The following BCOR variants were observed in gnomAD, a reference collection of about 807,000 sequenced individuals.
BCOR encodes BCL-6 corepressor.
BCOR carries 10 observed loss-of-function variants against 86.7 expected under a neutral mutation model. The ratio of observed to expected loss-of-function variants is 0.12; its 90% CI spans 0.07 to 0.20. The LOEUF (loss-of-function observed/expected upper bound fraction) is 0.20, where lower values mean the gene tolerates loss of function less well. Among genes scored for constraint, BCOR ranks in the 10% least tolerant of loss-of-function variants. The probability of loss-of-function intolerance (pLI) is 1.00; values close to 1 mark genes in which losing one functional copy is unlikely to be tolerated. For missense variants in BCOR, 1,259 were observed against 1,452.1 expected (o/e 0.87, Z 2.16); for synonymous variants, 611 against 609.0 (o/e 1.00, Z -0.05).
intron 1 of BCOR, among the ~76,000 whole-genome samples, chrX:40,108,134 G>A (rs769398217): frequency 6.1e-4 from 69 of 112,801 alleles, no homozygotes; most frequent in Non-Finnish European, 1.2e-3. Context: ...GGCCCATTAT[G>A]ACTCATAAAA....
chrX:40,103,064 C>T (rs1937100955), intron 1 of BCOR, among the ~76,000 whole-genome samples: 1 of 108,723 alleles, frequency 9.2e-6, no homozygotes, highest in Non-Finnish European at 1.9e-5. Context: ...AGCGCGTTAG[C>T]AGCCGCGCAG....
intron 2 of BCOR, 30 bp downstream of exon 2, chrX:40,077,814 C>T (rs1463099818): frequency 3.4e-6 from 4 of 1,191,247 alleles, no homozygotes; most frequent in Non-Finnish European, 4.6e-6. Context: ...GTGGGCTCCA[C>T]TCAGGCCCGG....
At chrX:40,175,145 G>A (rs932880658) in intron 1 of BCOR, among the ~76,000 whole-genome samples, 1 of 106,527 alleles carries the variant, frequency 9.4e-6, no homozygotes, top group African/African-American at 3.4e-5. Flanking sequence ...TTTTCCATCG[G>A]TCGGGATCGG....
At chrX:40,111,099 G>A (rs1313738886) in intron 1 of BCOR, among the ~76,000 whole-genome samples, 1 of 111,524 alleles carries the variant, frequency 9.0e-6, no homozygotes, top group Non-Finnish European at 1.9e-5. Context: ...CAGAAGGCCA[G>A]TGTCTGTCCA....
At chrX:40,105,573 C>A (rs1397568323) in intron 1 of BCOR, among the ~76,000 whole-genome samples, 2 of 112,580 alleles carry the variant, frequency 1.8e-5, no homozygotes, top group Non-Finnish European at 1.9e-5. Context: ...CCCCGCACCG[C>A]TCGCAGCTCC....
At chrX:40,083,038 G>T (rs1187318579) in intron 1 of BCOR, among the ~76,000 whole-genome samples, 1 of 108,034 alleles carries the variant, frequency 9.3e-6, no homozygotes, top group African/African-American at 3.4e-5. Flanking sequence ...CAGAGACTGC[G>T]TCACAGCAGC....
At chrX:40,096,104 G>C (rs1477063028) in intron 1 of BCOR, among the ~76,000 whole-genome samples, 1 of 113,088 alleles carries the variant, frequency 8.8e-6, no homozygotes, top group Non-Finnish European at 1.9e-5. Flanking sequence ...GCCCCGCGGC[G>C]CCTCGCCCTC....
chrX:40,117,960 T>TTCTCTC (rs747544385), intron 1 of BCOR, among the ~76,000 whole-genome samples: 13,861 of 94,271 alleles, frequency 0.15, 3,083 homozygotes, highest in African/African-American at 0.54. Context: ...CTCGCACTCT[T>TTCTCTC]TCTCTCTCTC....
chrX:40,096,413 C>T (rs1936874613), intron 1 of BCOR, among the ~76,000 whole-genome samples: 1 of 112,350 alleles, frequency 8.9e-6, no homozygotes, highest in South Asian at 3.6e-4. Context: ...GGAGGGGGAT[C>T]GCAGATTATA....
chrX:40,142,461 C>T (rs753605361), intron 1 of BCOR, among the ~76,000 whole-genome samples: 68 of 112,109 alleles, frequency 6.1e-4, no homozygotes, highest in Admixed American at 1.3e-3. Flanking sequence ...GGGTCTTTAG[C>T]CTTCAGCTGA....
chrX:40,113,753 T>A (rs938987109), intron 1 of BCOR, among the ~76,000 whole-genome samples: 2 of 109,997 alleles, frequency 1.8e-5, no homozygotes, highest in Non-Finnish European at 3.8e-5. Flanking sequence ...CACCACATAT[T>A]GATGAAAAAA....
At chrX:40,070,181 C>A (rs1371648217) in intron 6 of BCOR, among the ~76,000 whole-genome samples, 1 of 111,962 alleles carries the variant, frequency 8.9e-6, no homozygotes, top group Admixed American at 9.5e-5. Flanking sequence ...ACCTACTCCT[C>A]CAGTTAGTTC....
At chrX:40,134,070 C>A (rs1937635672) in intron 1 of BCOR, among the ~76,000 whole-genome samples, 1 of 107,991 alleles carries the variant, frequency 9.3e-6, no homozygotes, top group Non-Finnish European at 1.9e-5. Flanking sequence ...GAGGTGGGGC[C>A]TGGAGCTGGG....
At position 40,070,899 on chromosome X, in the gene BCOR, A is replaced by C. The variant is rs1935442361; in HGVS notation, c.3238+74T>G. 3 of 1,039,224 alleles carry C rather than the reference A, an allele frequency of 2.9e-6. No homozygotes were observed. In the Admixed American group the frequency reaches 6.6e-5, roughly 23 times the overall value. 85.6% of individuals were successfully genotyped at this position (1,039,224 alleles called of 1,213,427 possible). ...CGGCCCTTCATTCCATGCATGGCAA[A>C]AGCAGCCCATTTCTCCAAGCAGATG... On this transcript the variant is annotated intron_variant, in intron 6 of 14. Coordinates refer to ENST00000378444, the MANE Select transcript of BCOR (RefSeq NM_001123385.2).
At chrX:40,078,040 C>A in intron 1 of BCOR, 71 bp from the exon 2 acceptor site, 1 of 624,109 alleles carries the variant, frequency 1.6e-6, no homozygotes, top group African/African-American at 2.2e-5. Context: ...CTAGAGAAGG[C>A]CTCTTTCTAG....
At chrX:40,148,769 C>T (rs1938113217) in intron 1 of BCOR, among the ~76,000 whole-genome samples, 1 of 111,506 alleles carries the variant, frequency 9.0e-6, no homozygotes, top group South Asian at 3.8e-4. Flanking sequence ...AGCATCACCC[C>T]CATTGGCAAA....
chrX:40,088,849 T>C (rs960670232), intron 1 of BCOR, among the ~76,000 whole-genome samples: 3 of 111,859 alleles, frequency 2.7e-5, no homozygotes, highest in East Asian at 5.6e-4. Flanking sequence ...GGCACCGTGG[T>C]TCCCCCCTGA....
intron 1 of BCOR, among the ~76,000 whole-genome samples, chrX:40,157,878 AGCCTTTACT>A (rs202163122): frequency 2.7e-3 from 300 of 112,897 alleles, no homozygotes; most frequent in African/African-American, 9.1e-3. Flanking sequence ...CATATTCTGT[AGCCTTTACT>A]GCCTTTACTA....
At chrX:40,081,966 G>A (rs992903208) in intron 1 of BCOR, among the ~76,000 whole-genome samples, 4 of 112,727 alleles carry the variant, frequency 3.5e-5, no homozygotes, top group African/African-American at 6.4e-5. Context: ...TAGCACCAAG[G>A]AAGTGGAACA....
Sources: gnomAD v4.1 joint callset for allele counts (sites outside exome capture counted in the v4.1 genomes callset) on GRCh38, gnomAD v4.1.1 for gene constraint, MANE v1.5 for transcripts, NCBI Gene and HGNC (gene_info 2026-07-23, HGNC 2026-07-21) for gene names.